Variants in RORA observed in about 807,000 individuals in gnomAD.
RORA encodes nuclear receptor ROR-alpha.
Under a neutral mutation model 69.5 loss-of-function variants are expected in RORA, and 7 were observed. The ratio of observed to expected loss-of-function variants is 0.10; its 90% confidence interval spans 0.06 to 0.19. The LOEUF (loss-of-function observed/expected upper bound fraction) is 0.19. RORA is among the 10% of genes least tolerant of loss of function. RORA has a pLI of 1.00. For synonymous variants in RORA, 261 were observed against 240.8 expected (o/e 1.08, Z -0.78); for missense variants, 457 against 663.0 (o/e 0.69, Z 3.41).
chr15:61,002,595 T>C (rs1894777314), intron 1 of RORA, among the ~76,000 whole-genome samples: 1 of 152,178 alleles, frequency 6.6e-6, no homozygotes, highest in Admixed American at 6.5e-5. Context: ...AAATGCAGCC[T>C]ACCTTTAATT....
At chr15:61,176,552 T>C (rs1398367086) in intron 1 of RORA, 2 of 152,154 alleles carry the variant, frequency 1.3e-5, no homozygotes, top group Non-Finnish European at 2.9e-5. Context: ...GCTCACGTAA[T>C]CCTCTTACCT....
chr15:60,630,933 C>G (rs2069723458), intron 2 of RORA, among the ~76,000 whole-genome samples: 1 of 127,032 alleles, frequency 7.9e-6, no homozygotes, highest in Non-Finnish European at 1.5e-5. Flanking sequence ...TGTCACCAAG[C>G]TGGAGTACAG....
chr15:61,107,952 T>C (rs1446059089), intron 1 of RORA, among the ~76,000 whole-genome samples: 4 of 152,148 alleles, frequency 2.6e-5, no homozygotes, highest in African/African-American at 4.8e-5. Flanking sequence ...CAGTGAGTAA[T>C]TAATAACTCT....
At chr15:60,966,466 G>C (rs1368332461) in intron 1 of RORA, among the ~76,000 whole-genome samples, 1 of 152,136 alleles carries the variant, frequency 6.6e-6, no homozygotes, top group African/African-American at 2.4e-5. Context: ...ATGGCTAGTT[G>C]ACTTAATATT....
rs147107307 is a variant in RORA at position 61,007,080 on chromosome 15, T to G, written c.166+221973A>C. On this transcript the variant is annotated intron_variant, in intron 1 of 10. Coordinates refer to ENST00000335670, the MANE Select transcript of RORA (RefSeq NM_134261.3). ...TCTCTTACCTTCAAGCAGAAAGACA[T>G]AATTTTCACCTATGGCAAATCTATT... 5.2e-3 allele frequency among the ~76,000 whole-genome samples: 789 copies of G among 152,180 alleles called. 5 individuals carry two copies. The highest frequency in any genetic ancestry group is 0.018 in the African/African-American group (737 of 41,510).
intron 1 of RORA, among the ~76,000 whole-genome samples, chr15:60,970,763 GT>G (rs1311278473): frequency 6.6e-6 from 1 of 152,174 alleles, no homozygotes; most frequent in African/African-American, 2.4e-5. Flanking sequence ...AACTAATACG[GT>G]TGTGTATTTT....
At chr15:61,054,526 C>T (rs2078063580) in intron 1 of RORA, among the ~76,000 whole-genome samples, 1 of 152,198 alleles carries the variant, frequency 6.6e-6, no homozygotes. Flanking sequence ...CTCATCCTCA[C>T]TGAGGCACAA....
At chr15:61,018,946 A>G (rs1366304888) in intron 1 of RORA, among the ~76,000 whole-genome samples, 1 of 152,174 alleles carries the variant, frequency 6.6e-6, no homozygotes, top group Non-Finnish European at 1.5e-5. Flanking sequence ...ATCTAGACCT[A>G]CGTATCCAGG....
intron 1 of RORA, among the ~76,000 whole-genome samples, chr15:60,952,643 A>G (rs962252446): frequency 6.6e-6 from 1 of 152,190 alleles, no homozygotes; most frequent in African/African-American, 2.4e-5. Flanking sequence ...CCTATACACC[A>G]ATAACAGACA....
intron 1 of RORA, among the ~76,000 whole-genome samples, chr15:60,685,155 T>C (rs995687222): frequency 1.3e-5 from 2 of 152,166 alleles, no homozygotes; most frequent in African/African-American, 4.8e-5. Context: ...AATCCTGTTA[T>C]TAAACGGGAT....
intron 1 of RORA, among the ~76,000 whole-genome samples, chr15:61,064,755 A>G (rs569116038): frequency 2.8e-4 from 43 of 152,310 alleles, no homozygotes; most frequent in Admixed American, 2.5e-3. Context: ...ATTGGGAAGC[A>G]TGAAAAGCTA....
chr15:60,564,746 C>T (rs765367943), intron 2 of RORA, among the ~76,000 whole-genome samples: 2 of 152,040 alleles, frequency 1.3e-5, no homozygotes, highest in Non-Finnish European at 2.9e-5. Flanking sequence ...TCTGAGAAAA[C>T]CCTAGATTAA....
chr15:60,894,986 C>T (rs367619047), intron 1 of RORA, among the ~76,000 whole-genome samples: 1 of 152,180 alleles, frequency 6.6e-6, no homozygotes, highest in Non-Finnish European at 1.5e-5. Context: ...CTACAGTCAC[C>T]TCTAAAAAGA....
intron 1 of RORA, among the ~76,000 whole-genome samples, chr15:60,943,970 AGAGCATAAAT>A (rs1022780656): frequency 1.4e-5 from 2 of 147,754 alleles, no homozygotes; most frequent in Non-Finnish European, 1.5e-5. Flanking sequence ...GGACCAGATG[AGAGCATAAAT>A]GAGCATAAAT....
At chr15:60,749,937 G>A (rs1029054086) in intron 1 of RORA, among the ~76,000 whole-genome samples, 5 of 152,160 alleles carry the variant, frequency 3.3e-5, no homozygotes, top group Admixed American at 2.0e-4. Flanking sequence ...GGCTGAGGTG[G>A]AAGAATTGCT....
Position 61,213,910 on chromosome 15 carries a change from A to G in RORA, c.166+15143T>C, listed in dbSNP as rs2080015258. On this transcript the variant is annotated intron_variant, in intron 1 of 10. Transcript: ENST00000335670. This position sits in a 1 kb window ranked among gnomAD's most constrained non-coding sequence, Gnocchi z 4.1. Reference sequence around the variant, plus strand: ...CTTAAACATTTGAAACTTTCGAGGAATAGATTTTCTTGCTTCATCCCAGTC... The same window carrying G: ...CTTAAACATTTGAAACTTTCGAGGAGTAGATTTTCTTGCTTCATCCCAGTC... 6.6e-6 allele frequency: 1 copy of G among 152,252 alleles called. No individual in the cohort carries two copies. Among genetic ancestry groups the G allele is most frequent in the Admixed American group, 6.5e-5 (1 of 15,282 alleles). 9.4% of individuals were successfully genotyped at this position (152,252 alleles called of 1,614,324 possible). A position where few individuals can be genotyped will look rare whatever the true frequency, so the allele number is the denominator to read the frequency against.
chr15:61,157,375 C>A (rs1467875941), intron 1 of RORA, among the ~76,000 whole-genome samples: 2 of 152,162 alleles, frequency 1.3e-5, no homozygotes, highest in African/African-American at 4.8e-5. Context: ...TTCTGAGTTT[C>A]AGCTAAACAT....
In RORA at chr15:61,098,941, C is replaced by T. The variant is rs372980166; in HGVS notation, c.166+130112G>A. On this transcript the variant is annotated intron_variant, in intron 1 of 10. Transcript: ENST00000335670. ...TTCTACTGAATACTTCCAAAGGTTCCGGGCTGTAATTCCCTTGCAGGCAAC... is the reference window on the plus strand; with the variant it reads ...TTCTACTGAATACTTCCAAAGGTTCTGGGCTGTAATTCCCTTGCAGGCAAC... Among the ~76,000 whole-genome samples, 19 of 152,252 alleles carry T rather than the reference C, an allele frequency of 1.2e-4. No homozygotes were observed. The South Asian group carries it at 2.3e-3, about 18-fold the overall frequency.
rs1250795736 is a variant in RORA, at chr15:60,495,159, A to G, written c.*2296T>C. On this transcript the variant is annotated 3_prime_UTR_variant, in exon 11 of 11. Transcript: ENST00000335670. ...AAAACAAAACACCATTTCCCCCCAG[A>G]GGAGAAACAATAGAAAAAAAATGGA... The G allele has an allele frequency of 6.6e-6, 1 of 152,220 alleles. No homozygotes were observed. Among genetic ancestry groups the G allele is most frequent in the Non-Finnish European group, 1.5e-5 (1 of 68,040 alleles). The allele number at this position is 152,220 out of a possible 1,614,324, so 9.4% of individuals were successfully genotyped here.
Sources: gnomAD v4.1 joint callset for allele counts (sites outside exome capture counted in the v4.1 genomes callset) on GRCh38, gnomAD v4.1.1 for gene constraint, Gnocchi (gnomAD v3.1) non-coding constraint, MANE v1.5 for transcripts, NCBI Gene and HGNC (gene_info 2026-07-23, HGNC 2026-07-21) for gene names.